The following NXN variants were observed in gnomAD, a reference collection of about 807,000 sequenced individuals.
NXN encodes nucleoredoxin 1.
In NXN, 16 loss-of-function variants were observed where a neutral mutation model predicts 48.6. That is an observed-to-expected ratio of 0.33 (90% CI 0.22 to 0.50). The LOEUF (loss-of-function observed/expected upper bound fraction) is 0.50. NXN is among the 20% of genes least tolerant of loss of function. NXN has a pLI of 0.98. For synonymous variants in NXN, 281 were observed against 269.6 expected, an observed-to-expected ratio of 1.04 and a Z score of -0.41; for missense variants, 492 against 605.5, an observed-to-expected ratio of 0.81 and a Z score of 1.97.
chr17:870,255 G>C (rs2068137100), intron 1 of NXN, among the ~76,000 whole-genome samples: 1 of 152,196 alleles, frequency 6.6e-6, no homozygotes, highest in Admixed American at 6.5e-5. Context: ...CAGGAATGCA[G>C]GACGTGGATT....
intron 1 of NXN, among the ~76,000 whole-genome samples, chr17:897,276 G>A (rs1406295135): frequency 6.6e-6 from 1 of 152,220 alleles, no homozygotes; most frequent in Non-Finnish European, 1.5e-5. Flanking sequence ...CAGCTGCGTG[G>A]ACATCAAAAT....
intron 1 of NXN, among the ~76,000 whole-genome samples, chr17:904,422 C>T (rs531311448): frequency 8.0e-6 from 1 of 125,060 alleles, no homozygotes; most frequent in East Asian, 2.5e-4. Flanking sequence ...CCAGTGGCCT[C>T]TTTTCCGAGG....
chr17:967,275 G>A (rs1439791388), intron 1 of NXN, among the ~76,000 whole-genome samples: 6 of 152,226 alleles, frequency 3.9e-5, no homozygotes, highest in South Asian at 2.1e-4. Flanking sequence ...GCTGCTGGGA[G>A]TCTGGGAGGA....
chr17:807,747 C>T lies in NXN; in HGVS notation c.821-2500G>A, dbSNP rs139409805. Among the ~76,000 whole-genome samples the T allele has an allele frequency of 2.0e-5, 3 of 152,358 alleles. No individual in the cohort carries two copies. In the East Asian group the frequency reaches 5.8e-4, roughly 29 times the overall value. On this transcript the variant is annotated intron_variant, in intron 5 of 7. Transcript: ENST00000336868. ...TGTTCGGCCCCTGCACGGGGGAAAG[C>T]ACCCATGTCTGCTGTGCCAGGCTGC...
intron 1 of NXN, among the ~76,000 whole-genome samples, chr17:948,864 G>C (rs76201188): frequency 7.1e-4 from 4 of 5,626 alleles, no homozygotes; most frequent in Admixed American, 2.1e-3. Context: ...CTCTCCCCGC[G>C]GCCTCCTCCT....
chr17:958,428 C>T lies in NXN; in HGVS notation c.360+20891G>A, dbSNP rs2069195536. Among the ~76,000 whole-genome samples, 1 of 152,206 alleles carries T rather than the reference C, an allele frequency of 6.6e-6. No individual in the cohort carries two copies. Among genetic ancestry groups the T allele is most frequent in the Non-Finnish European group, 1.5e-5 (1 of 68,038 alleles). On this transcript the variant is annotated intron_variant, in intron 1 of 7. Coordinates refer to ENST00000336868, the MANE Select transcript of NXN (RefSeq NM_022463.5). This position sits in a 1 kb window ranked among gnomAD's most constrained non-coding sequence, Gnocchi z 6.9. ...TGGGAAGGCTGAAACAGGAGGATCG[C>T]TTGAGGCCAGGCGTTCAAAACCAGC...
intron 1 of NXN, among the ~76,000 whole-genome samples, chr17:964,676 A>T (rs2069281199): frequency 6.6e-6 from 1 of 152,228 alleles, no homozygotes; most frequent in Non-Finnish European, 1.5e-5. Flanking sequence ...TATATTACAG[A>T]TTTGTGTGTA....
At chr17:880,890 G>C (rs890966338) in intron 1 of NXN, among the ~76,000 whole-genome samples, 1 of 152,136 alleles carries the variant, frequency 6.6e-6, no homozygotes, top group Non-Finnish European at 1.5e-5. Context: ...AAAATGGAAG[G>C]CCTCCTCCGA....
At chr17:906,645 C>A (rs952013116) in intron 1 of NXN, among the ~76,000 whole-genome samples, 1 of 151,632 alleles carries the variant, frequency 6.6e-6, no homozygotes, top group Non-Finnish European at 1.5e-5. Flanking sequence ...CGGCTCCCTG[C>A]AACCTCCACC....
At chr17:854,976 T>A (rs1157052721) in intron 1 of NXN, among the ~76,000 whole-genome samples, 1 of 151,550 alleles carries the variant, frequency 6.6e-6, no homozygotes, top group African/African-American at 2.4e-5. Context: ...AAAAAGACTT[T>A]AAAATTTTTT....
intron 1 of NXN, among the ~76,000 whole-genome samples, chr17:826,376 C>T (rs768540934): frequency 3.0e-4 from 45 of 152,080 alleles, no homozygotes; most frequent in Non-Finnish European, 5.7e-4. Flanking sequence ...CCCCACTGGC[C>T]CCCATAGTCT....
intron 5 of NXN, chr17:819,023 T>C (rs550810914): frequency 7.1e-4 from 213 of 301,840 alleles, no homozygotes; most frequent in Middle Eastern, 1.2e-3. Context: ...CTCGGCTCAC[T>C]GCAACCTCTG....
At chr17:979,113 G>C (rs1366809727) in intron 1 of NXN, among the ~76,000 whole-genome samples, 3 of 113,422 alleles carry the variant, frequency 2.6e-5, no homozygotes, top group Non-Finnish European at 3.7e-5. Flanking sequence ...GCGGAAGGGG[G>C]GGGGGCAGAG....
chr17:954,824 C>G (rs1200293935), intron 1 of NXN, among the ~76,000 whole-genome samples: 2 of 152,266 alleles, frequency 1.3e-5, no homozygotes, highest in Non-Finnish European at 2.9e-5. Context: ...GCCTAGACTC[C>G]CAGATTGAAG....
At chr17:953,664 A>G (rs1018332724) in intron 1 of NXN, among the ~76,000 whole-genome samples, 5 of 152,238 alleles carry the variant, frequency 3.3e-5, no homozygotes, top group African/African-American at 1.2e-4. Context: ...CCCTTCTCTA[A>G]GGAGTCCAGA....
chr17:957,578 G>T (rs1019322907), intron 1 of NXN, among the ~76,000 whole-genome samples: 5 of 150,610 alleles, frequency 3.3e-5, no homozygotes, highest in African/African-American at 1.2e-4. Flanking sequence ...GTTGCAGTGA[G>T]CCAAGATCAA....
At chr17:951,135 G>A (rs964987028) in intron 1 of NXN, among the ~76,000 whole-genome samples, 1 of 122,720 alleles carries the variant, frequency 8.1e-6, no homozygotes, top group Admixed American at 1.1e-4. Flanking sequence ...TTAGAAGTTC[G>A]AAACCAGCCT....
At chr17:963,239 A>ACACACACACACACACC (rs1203502504) in intron 1 of NXN, among the ~76,000 whole-genome samples, 1 of 147,670 alleles carries the variant, frequency 6.8e-6, no homozygotes, top group South Asian at 2.1e-4. Context: ...ACACACACAC[A>ACACACACACACACACC]CCCCTTTCAT....
intron 1 of NXN, among the ~76,000 whole-genome samples, chr17:931,616 C>T (rs182308699): frequency 1.6e-3 from 238 of 149,772 alleles, no homozygotes; most frequent in African/African-American, 5.6e-3. Context: ...GTGGGCGGAT[C>T]GTGAGGTCAG....
Sources: gnomAD v4.1 joint callset for allele counts (sites outside exome capture counted in the v4.1 genomes callset) on GRCh38, gnomAD v4.1.1 for gene constraint, Gnocchi (gnomAD v3.1) non-coding constraint, MANE v1.5 for transcripts, NCBI Gene and HGNC (gene_info 2026-07-23, HGNC 2026-07-21) for gene names.